ZHX2: variants seen among roughly 807,000 people sequenced by gnomAD.
ZHX2 encodes zinc fingers and homeoboxes protein 2.
In ZHX2, 6 loss-of-function variants were observed where a neutral mutation model predicts 21.9. The observed-to-expected ratio is 0.27, with a 90% confidence interval of 0.15 to 0.54. The LOEUF is 0.54. Ranked by LOEUF, ZHX2 falls within the 20% of genes least tolerant of loss-of-function variation. The pLI is 0.95. For synonymous variants in ZHX2, 434 were observed against 437.1 expected (o/e 0.99, Z 0.09); for missense variants, 908 against 1,090.7 (o/e 0.83, Z 2.36).
intron 2 of ZHX2, 127 bp from the exon 3 acceptor site, chr8:122,951,165 G>A (rs139653407): frequency 7.9e-5 from 17 of 214,422 alleles, no homozygotes; most frequent in Non-Finnish European, 1.2e-4. Context: ...CTTTCACGCC[G>A]TCTGTGCATC....
In ZHX2 at chr8:122,782,663, G is replaced by T. The variant is rs1817315397; in HGVS notation, c.-283+717G>T. Among the ~76,000 whole-genome samples the T allele has an allele frequency of 6.6e-6, 1 of 152,110 alleles. No individual in the cohort carries two copies. The highest frequency in any genetic ancestry group is 2.4e-5 in the African/African-American group (1 of 41,444). On this transcript the variant is annotated intron_variant, in intron 1 of 3. Transcript: ENST00000314393. This position sits in a 1 kb window ranked among gnomAD's most constrained non-coding sequence, Gnocchi z 5.3. ...AGCGCGGGCGGCAGCCGAGCTACCTGGCGGGGGCAGGGCCGGAGCGCGGCG... is the reference window on the plus strand; with the variant it reads ...AGCGCGGGCGGCAGCCGAGCTACCTTGCGGGGGCAGGGCCGGAGCGCGGCG...
intron 1 of ZHX2, among the ~76,000 whole-genome samples, chr8:122,832,649 A>G (rs1818402925): frequency 6.6e-6 from 1 of 152,188 alleles, no homozygotes; most frequent in African/African-American, 2.4e-5. Flanking sequence ...TTTGGCAAGT[A>G]GAGCGAAGGA....
At chr8:122,909,864 A>G (rs891757816) in intron 2 of ZHX2, among the ~76,000 whole-genome samples, 2 of 152,154 alleles carry the variant, frequency 1.3e-5, no homozygotes, top group Non-Finnish European at 2.9e-5. Flanking sequence ...GGGTCTCCCC[A>G]TGCTTCTTGC....
chr8:122,918,560 A>G (rs1820660365), intron 2 of ZHX2, among the ~76,000 whole-genome samples: 1 of 152,094 alleles, frequency 6.6e-6, no homozygotes, highest in African/African-American at 2.4e-5. Flanking sequence ...GCCAAGACAT[A>G]TTTTAGGCTG....
At chr8:122,922,295 G>T (rs1290328588) in intron 2 of ZHX2, among the ~76,000 whole-genome samples, 1 of 150,808 alleles carries the variant, frequency 6.6e-6, no homozygotes, top group Non-Finnish European at 1.5e-5. Flanking sequence ...AAAAGAAAAG[G>T]AAAAAAAGAA....
intron 1 of ZHX2, among the ~76,000 whole-genome samples, chr8:122,790,518 CCTCA>C (rs914546703): frequency 3.9e-4 from 59 of 152,136 alleles, no homozygotes; most frequent in African/African-American, 1.4e-3. Context: ...TCATGCTAGC[CCTCA>C]CTGACATCAC....
intron 2 of ZHX2, among the ~76,000 whole-genome samples, chr8:122,866,015 T>TC (rs1395218632): frequency 6.6e-6 from 1 of 152,168 alleles, no homozygotes; most frequent in Non-Finnish European, 1.5e-5. Context: ...CTGCTATTTA[T>TC]TCCTAGCTGT....
chr8:122,802,582 A>G (rs893302521), intron 1 of ZHX2, among the ~76,000 whole-genome samples: 1 of 152,166 alleles, frequency 6.6e-6, no homozygotes, highest in South Asian at 2.1e-4. Flanking sequence ...TTCCGTGGAA[A>G]GCCCGCATGG....
At chr8:122,869,233 G>A (rs1034248850) in intron 2 of ZHX2, among the ~76,000 whole-genome samples, 7 of 152,122 alleles carry the variant, frequency 4.6e-5, no homozygotes, top group African/African-American at 7.2e-5. Context: ...GGCTCCATGC[G>A]CAGGGCAGAA....
rs901655481 is a variant in ZHX2, at chr8:122,782,128, G to T, written c.-283+182G>T. ...GTGATTGGAAGGGGGGTACGGAAGG[G>T]GGGGGGTGTGCAGGCTCTTTTTGCG... On this transcript the variant is annotated intron_variant, in intron 1 of 3. Transcript: ENST00000314393. The surrounding 1 kb of genome is among the most constrained non-coding windows in gnomAD (Gnocchi z 5.3). 3.8e-4 allele frequency among the ~76,000 whole-genome samples: 55 copies of T among 145,710 alleles called. No homozygotes were observed. Among genetic ancestry groups the T allele is most frequent in the Middle Eastern group, 7.0e-3 (2 of 286 alleles).
chr8:122,801,926 C>T (rs941834436), intron 1 of ZHX2, among the ~76,000 whole-genome samples: 4 of 152,176 alleles, frequency 2.6e-5, no homozygotes, highest in African/African-American at 9.7e-5. Context: ...AGAGAAATTC[C>T]ATATGCAGAC....
intron 1 of ZHX2, among the ~76,000 whole-genome samples, chr8:122,835,852 A>C (rs1216712906): frequency 1.3e-5 from 2 of 152,198 alleles, no homozygotes; most frequent in East Asian, 1.9e-4. Flanking sequence ...TGTAAAGTTG[A>C]ATGTTTCATT....
At chr8:122,929,044 C>T (rs1333229150) in intron 2 of ZHX2, among the ~76,000 whole-genome samples, 1 of 152,140 alleles carries the variant, frequency 6.6e-6, no homozygotes, top group Non-Finnish European at 1.5e-5. Context: ...TTATTTGATT[C>T]CACAGCAATC....
chr8:122,872,879 G>A (rs534998242), intron 2 of ZHX2, among the ~76,000 whole-genome samples: 1 of 152,084 alleles, frequency 6.6e-6, no homozygotes, highest in Non-Finnish European at 1.5e-5. Context: ...GATTTACTCA[G>A]ACAGGTTTCC....
At chr8:122,792,994 GC>G (rs1027850172) in intron 1 of ZHX2, among the ~76,000 whole-genome samples, 1 of 152,192 alleles carries the variant, frequency 6.6e-6, no homozygotes, top group Non-Finnish European at 1.5e-5. Context: ...CCATACCGCT[GC>G]CCCTTCCCTG....
At chr8:122,852,630 T>C (rs1818926637) in intron 1 of ZHX2, among the ~76,000 whole-genome samples, 1 of 152,162 alleles carries the variant, frequency 6.6e-6, no homozygotes, top group Admixed American at 6.5e-5. Flanking sequence ...TACTCTGTCA[T>C]AGTTTCCAGC....
chr8:122,937,881 C>T (rs375231711), intron 2 of ZHX2, among the ~76,000 whole-genome samples: 3 of 144,548 alleles, frequency 2.1e-5, no homozygotes, highest in African/African-American at 7.7e-5. Flanking sequence ...CGCGCCCAGC[C>T]GGATCATCTA....
chr8:122,805,418 AC>A (rs891911597), intron 1 of ZHX2, among the ~76,000 whole-genome samples: 27 of 151,996 alleles, frequency 1.8e-4, no homozygotes, highest in African/African-American at 6.0e-4. Flanking sequence ...AATCTGAGTG[AC>A]CCCCCACCCC....
At chr8:122,853,902 G>A (rs1450280270) in intron 1 of ZHX2, among the ~76,000 whole-genome samples, 2 of 152,238 alleles carry the variant, frequency 1.3e-5, no homozygotes, top group East Asian at 3.9e-4. Flanking sequence ...CCCACCTAAG[G>A]GCATCTGATG....
Sources: gnomAD v4.1 joint callset for allele counts (sites outside exome capture counted in the v4.1 genomes callset) on GRCh38, gnomAD v4.1.1 for gene constraint, Gnocchi (gnomAD v3.1) non-coding constraint, MANE v1.5 for transcripts, NCBI Gene and HGNC (gene_info 2026-07-23, HGNC 2026-07-21) for gene names.